RSU1: variants seen among roughly 807,000 people sequenced by gnomAD.
RSU1 encodes rsu-1.
In RSU1, 26 loss-of-function variants were observed where a neutral mutation model predicts 31.1. That is an observed-to-expected ratio of 0.84 (90% CI 0.61 to 1.16). The LOEUF is 1.16. Ranked by LOEUF, RSU1 falls within the 50% of genes most tolerant of loss-of-function variation. The pLI is 0.00. For synonymous variants in RSU1, 164 were observed against 136.3 expected (o/e 1.20, Z -1.41); for missense variants, 320 against 339.1 (o/e 0.94, Z 0.44).
intron 2 of RSU1, among the ~76,000 whole-genome samples, chr10:16,795,562 C>T (rs945491611): frequency 6.6e-6 from 1 of 152,036 alleles, no homozygotes; most frequent in Non-Finnish European, 1.5e-5. Flanking sequence ...GGTTATGTAA[C>T]TTGTCTGTGA....
At chr10:16,690,475 G>T (rs1284483532) in intron 8 of RSU1, among the ~76,000 whole-genome samples, 1 of 152,130 alleles carries the variant, frequency 6.6e-6, no homozygotes, top group Non-Finnish European at 1.5e-5. Flanking sequence ...ACTCCAAAGA[G>T]CAATCTCTGA....
intron 2 of RSU1, among the ~76,000 whole-genome samples, chr10:16,796,267 T>G (rs1371165755): frequency 6.6e-6 from 1 of 152,116 alleles, no homozygotes; most frequent in East Asian, 1.9e-4. Flanking sequence ...CCTTCTCCAA[T>G]CCTATAACCA....
chr10:16,606,816 C>T (rs566236496), intron 8 of RSU1, among the ~76,000 whole-genome samples: 11 of 152,146 alleles, frequency 7.2e-5, no homozygotes, highest in Non-Finnish European at 1.6e-4. Flanking sequence ...TAAGGACAAA[C>T]GGTAGAAGCA....
At chr10:16,801,861 T>C (rs1055805320) in intron 2 of RSU1, among the ~76,000 whole-genome samples, 4 of 152,106 alleles carry the variant, frequency 2.6e-5, no homozygotes, top group Non-Finnish European at 5.9e-5. Context: ...TCAGAATTTG[T>C]GAACTGCAGC....
intron 8 of RSU1, among the ~76,000 whole-genome samples, chr10:16,611,739 G>A (rs768908603): frequency 6.6e-6 from 1 of 152,186 alleles, no homozygotes; most frequent in Admixed American, 6.5e-5. Flanking sequence ...AGCAAGCAAC[G>A]CTGGTATGAC....
intron 7 of RSU1, among the ~76,000 whole-genome samples, chr10:16,702,577 G>A (rs1835813660): frequency 6.6e-6 from 1 of 152,246 alleles, no homozygotes; most frequent in South Asian, 2.1e-4. Context: ...GCCGTGCTGG[G>A]TTTTGAACTT....
Position 16,757,420 on chromosome 10 carries a change from G to C in RSU1, c.282-2431C>G, listed in dbSNP as rs544915735. Among the ~76,000 whole-genome samples the C allele has an allele frequency of 6.6e-5, 10 of 152,176 alleles. No homozygotes were observed. In the South Asian group the frequency reaches 1.2e-3, roughly 19 times the overall value. On this transcript the variant is annotated intron_variant, in intron 4 of 8. Coordinates refer to ENST00000345264, the MANE Select transcript of RSU1 (RefSeq NM_012425.4). ...GAGGGGGCAACCAAAAGGGAAACGC[G>C]GGTTCCCCCTGTCAGGCAGAAAACT...
rs566685085 is a variant in RSU1 at position 16,778,914 on chromosome 10, C to T, written c.160+3120G>A. Among the ~76,000 whole-genome samples the T allele has an allele frequency of 2.2e-4, 34 of 152,330 alleles. No homozygotes were observed. The South Asian group carries it at 7.1e-3, about 32-fold the overall frequency. ...GTGCGTACTGCATCACAGGCAGGTG[C>T]TCAAAGAAAGCATTATTTCCGAAAG... On this transcript the variant is annotated intron_variant, in intron 3 of 8. Coordinates refer to ENST00000345264, the MANE Select transcript of RSU1 (RefSeq NM_012425.4).
intron 2 of RSU1, among the ~76,000 whole-genome samples, chr10:16,805,401 G>T (rs1838244729): frequency 1.3e-5 from 2 of 152,134 alleles, no homozygotes; most frequent in Non-Finnish European, 2.9e-5. Flanking sequence ...GCCGGGAGCG[G>T]TGGCTCACGC....
At chr10:16,704,567 G>C (rs968463623) in intron 7 of RSU1, among the ~76,000 whole-genome samples, 2 of 152,212 alleles carry the variant, frequency 1.3e-5, no homozygotes, top group African/African-American at 4.8e-5. Flanking sequence ...AATAATGTGA[G>C]ATGATTTAGG....
intron 2 of RSU1, among the ~76,000 whole-genome samples, chr10:16,791,615 G>A (rs28722842): frequency 3.7e-4 from 54 of 146,066 alleles, no homozygotes; most frequent in African/African-American, 9.7e-4. Flanking sequence ...GCGACAGAGC[G>A]AGACTCCGTC....
At chr10:16,623,205 G>C (rs550077894) in intron 8 of RSU1, among the ~76,000 whole-genome samples, 40 of 152,150 alleles carry the variant, frequency 2.6e-4, no homozygotes, top group African/African-American at 9.2e-4. Flanking sequence ...GCCTCTAGTA[G>C]CCCTCAGTTT....
chr10:16,716,859 G>A (rs1039634384), intron 7 of RSU1, among the ~76,000 whole-genome samples: 2 of 152,056 alleles, frequency 1.3e-5, no homozygotes, highest in African/African-American at 4.8e-5. Context: ...AACAAATACA[G>A]ACTGATTTCA....
At chr10:16,693,814 A>T (rs1418863538) in intron 8 of RSU1, among the ~76,000 whole-genome samples, 1 of 152,160 alleles carries the variant, frequency 6.6e-6, no homozygotes, top group African/African-American at 2.4e-5. Context: ...GTGAGCCGTG[A>T]TTGTGCCACT....
chr10:16,633,439 C>T (rs1339871185), intron 8 of RSU1, among the ~76,000 whole-genome samples: 1 of 152,090 alleles, frequency 6.6e-6, no homozygotes, highest in Non-Finnish European at 1.5e-5. Context: ...GTGTCCAACA[C>T]CCATCCCCAC....
At chr10:16,687,591 G>A (rs926785573) in intron 8 of RSU1, among the ~76,000 whole-genome samples, 23 of 152,112 alleles carry the variant, frequency 1.5e-4, no homozygotes, top group African/African-American at 3.9e-4. Flanking sequence ...AAGAACTTAC[G>A]TATTCTTCCT....
At chr10:16,691,892 C>T (rs989733004) in intron 8 of RSU1, among the ~76,000 whole-genome samples, 7 of 152,010 alleles carry the variant, frequency 4.6e-5, no homozygotes, top group East Asian at 1.9e-4. Context: ...GCACCCACCA[C>T]CACACTCGGC....
chr10:16,750,863 CTTT>C (rs11296913), intron 7 of RSU1, among the ~76,000 whole-genome samples: 14 of 139,756 alleles, frequency 1.0e-4, no homozygotes, highest in Non-Finnish European at 1.7e-4. Flanking sequence ...CAAGATCTCT[CTTT>C]TTTTTTTTTT....
chr10:16,780,282 G>GT (rs1837624739), intron 3 of RSU1, among the ~76,000 whole-genome samples: 1 of 152,192 alleles, frequency 6.6e-6, no homozygotes, highest in African/African-American at 2.4e-5. Flanking sequence ...GTTGGAGACA[G>GT]GGTCTACCTC....
Sources: gnomAD v4.1 joint callset for allele counts (sites outside exome capture counted in the v4.1 genomes callset) on GRCh38, gnomAD v4.1.1 for gene constraint, MANE v1.5 for transcripts, NCBI Gene and HGNC (gene_info 2026-07-23, HGNC 2026-07-21) for gene names.